Variants in KLHL20 observed in about 807,000 individuals in gnomAD.
KLHL20 encodes the protein kelch like family member 20.
Under a neutral mutation model 69.5 loss-of-function variants are expected in KLHL20, and 29 were observed. The observed-to-expected ratio is 0.42, with a 90% confidence interval of 0.31 to 0.57. The LOEUF (loss-of-function observed/expected upper bound fraction) is 0.57. Ranked by LOEUF, KLHL20 falls within the 20% of genes least tolerant of loss-of-function variation. The pLI, the probability that KLHL20 is intolerant of heterozygous loss-of-function variation, is 0.18. For synonymous variants in KLHL20, 253 were observed against 265.2 expected (o/e 0.95, Z 0.45); for missense variants, 419 against 776.0 (o/e 0.54, Z 5.47).
intron 3 of KLHL20, among the ~76,000 whole-genome samples, chr1:173,738,357 A>G (rs1672635850): frequency 6.6e-6 from 1 of 152,034 alleles, no homozygotes; most frequent in Non-Finnish European, 1.5e-5. Context: ...TTCTGTAGAG[A>G]CACGGTTTTG....
At chr1:173,740,290 T>G (rs1672742175) in intron 3 of KLHL20, among the ~76,000 whole-genome samples, 1 of 151,446 alleles carries the variant, frequency 6.6e-6, no homozygotes, top group Non-Finnish European at 1.5e-5. Context: ...GCCCGGCCAA[T>G]TTTTTGTATT....
At chr1:173,778,594 C>G (rs1648640496) in intron 10 of KLHL20, among the ~76,000 whole-genome samples, 1 of 152,112 alleles carries the variant, frequency 6.6e-6, no homozygotes. Context: ...TCGCCTCAGC[C>G]TCCCAAAGTG....
At chr1:173,718,842 C>T (rs1416924292) in intron 2 of KLHL20, among the ~76,000 whole-genome samples, 1 of 152,156 alleles carries the variant, frequency 6.6e-6, no homozygotes, top group Non-Finnish European at 1.5e-5. Context: ...CGGTGGCTCA[C>T]GCCTGTAATC....
intron 3 of KLHL20, among the ~76,000 whole-genome samples, chr1:173,739,864 C>G (rs1433444439): frequency 6.6e-6 from 1 of 151,498 alleles, no homozygotes; most frequent in Admixed American, 6.6e-5. Context: ...TAGTCTCGAA[C>G]TCCTGACCTC....
chr1:173,736,382 G>A (rs193121067), intron 3 of KLHL20, among the ~76,000 whole-genome samples: 5 of 152,210 alleles, frequency 3.3e-5, no homozygotes, highest in African/African-American at 1.2e-4. Context: ...GAATTGTGCT[G>A]CTATAAACAT....
At chr1:173,735,364 T>A (rs1672478582) in intron 3 of KLHL20, among the ~76,000 whole-genome samples, 1 of 151,672 alleles carries the variant, frequency 6.6e-6, no homozygotes, top group Non-Finnish European at 1.5e-5. Flanking sequence ...GAGGATGGCT[T>A]GAGCCCAGGA....
chr1:173,759,200 C>T (rs1017050670), intron 7 of KLHL20, among the ~76,000 whole-genome samples: 7 of 152,056 alleles, frequency 4.6e-5, no homozygotes, highest in Admixed American at 3.9e-4. Flanking sequence ...GAATCTCTTC[C>T]CCCATCCCCA....
intron 3 of KLHL20, among the ~76,000 whole-genome samples, chr1:173,736,908 T>C (rs1334248002): frequency 6.6e-6 from 1 of 152,202 alleles, no homozygotes; most frequent in Non-Finnish European, 1.5e-5. Context: ...TGTTTTTATT[T>C]TTTAAATTAT....
chr1:173,733,950 A>T lies in KLHL20; in HGVS notation c.261A>T (p.Ser87=), dbSNP rs1672409413. The change falls in exon 3 of 12, where the codon TCA becomes TCT. Residue 87 remains serine (S), a synonymous_variant. Coordinates refer to ENST00000209884, the MANE Select transcript of KLHL20 (RefSeq NM_014458.4). ...TATATGCCCATCGAGTCATTTTGTC[A>T]GCCTGTAGTCCCTACTTCCGAGCTA... ...KKIYAHRVIL[S]ACSPYFRAMF... The T allele has an allele frequency of 1.9e-6, 3 of 1,614,086 alleles. No individual in the cohort carries two copies. The African/African-American group carries it at 4.0e-5, about 22-fold the overall frequency.
At chr1:173,779,096 C>CTT in intron 10 of KLHL20, among the ~76,000 whole-genome samples, 1 of 152,098 alleles carries the variant, frequency 6.6e-6, no homozygotes, top group African/African-American at 2.4e-5. Flanking sequence ...TTTCCTCTTA[C>CTT]TTTCACTTTA....
chr1:173,738,888 A>G (rs967860940), intron 3 of KLHL20, among the ~76,000 whole-genome samples: 4 of 152,152 alleles, frequency 2.6e-5, no homozygotes, highest in African/African-American at 7.2e-5. Context: ...TGTTGGATTC[A>G]GTTAGCTATT....
At chr1:173,744,937 T>A (rs187833766) in intron 3 of KLHL20, among the ~76,000 whole-genome samples, 6 of 152,228 alleles carry the variant, frequency 3.9e-5, no homozygotes, top group Non-Finnish European at 8.8e-5. Flanking sequence ...CAAGCTTTCT[T>A]GCTATTTATT....
intron 10 of KLHL20, among the ~76,000 whole-genome samples, chr1:173,777,286 T>C (rs1198880676): frequency 1.3e-5 from 2 of 152,182 alleles, no homozygotes; most frequent in East Asian, 3.8e-4. Context: ...GCTGAATTTG[T>C]TTATCTGTTC....
At chr1:173,755,162 G>T (rs767517633) in intron 5 of KLHL20, among the ~76,000 whole-genome samples, 1 of 149,886 alleles carries the variant, frequency 6.7e-6, no homozygotes, top group East Asian at 2.0e-4. Context: ...AAGTTCAACC[G>T]ATTCTCCTGC....
chr1:173,783,862 G>A (rs142119486), intron 11 of KLHL20, among the ~76,000 whole-genome samples: 9,000 of 148,768 alleles, frequency 0.06, 975 homozygotes, highest in African/African-American at 0.21. Context: ...GCAAGACTCC[G>A]TCTCAAAAAA....
At chr1:173,779,051 G>C (rs936242900) in intron 10 of KLHL20, among the ~76,000 whole-genome samples, 5 of 151,662 alleles carry the variant, frequency 3.3e-5, no homozygotes, top group Non-Finnish European at 5.9e-5. Flanking sequence ...TGAAGTTTTT[G>C]TACTTTTTTG....
In KLHL20 at chr1:173,761,951, GATAA is replaced by G. The variant is rs1417338260; in HGVS notation, c.1152-4189_1152-4186del. On this transcript the variant is annotated intron_variant, in intron 7 of 11. Coordinates refer to ENST00000209884, the MANE Select transcript of KLHL20 (RefSeq NM_014458.4). ...AAACAAAAAGCTGGTTCTTTGAAAA[GATAA>G]ATAAAATTGATAGACCATTACCAAG... Among the ~76,000 whole-genome samples, 6 of 152,018 alleles carry G rather than the reference GATAA, an allele frequency of 3.9e-5. No individual in the cohort carries two copies. The East Asian group carries it at 5.8e-4, about 15-fold the overall frequency.
At chr1:173,746,342 A>G (rs538073991) in intron 3 of KLHL20, among the ~76,000 whole-genome samples, 29 of 152,306 alleles carry the variant, frequency 1.9e-4, no homozygotes, top group Non-Finnish European at 3.4e-4. Flanking sequence ...CAAATGTACT[A>G]TGCAGACTAT....
intron 9 of KLHL20, among the ~76,000 whole-genome samples, chr1:173,774,789 C>T (rs78443701): frequency 1.3e-5 from 2 of 152,096 alleles, no homozygotes; most frequent in African/African-American, 4.8e-5. Flanking sequence ...CTTAGAACTA[C>T]AAATTCGTTT....
Sources: allele counts gnomAD v4.1 joint callset (sites outside exome capture counted in the v4.1 genomes callset), GRCh38; gene constraint gnomAD v4.1.1; transcripts MANE v1.5; gene names NCBI Gene and HGNC (gene_info 2026-07-23, HGNC 2026-07-21).